MZT2A: variants seen among roughly 807,000 people sequenced by gnomAD.
The protein encoded by MZT2A is mitotic spindle organizing protein 2A.
A neutral mutation model predicts 12.4 loss-of-function variants in MZT2A; 8 were observed. That is an observed-to-expected ratio of 0.64 (90% CI 0.38 to 1.16). The LOEUF (loss-of-function observed/expected upper bound fraction) is 1.16. MZT2A is among the 50% of genes most tolerant of loss of function. The pLI is 0.01. For synonymous variants in MZT2A, 88 were observed against 107.5 expected (o/e 0.82, Z 1.12); for missense variants, 181 against 223.6 (o/e 0.81, Z 1.22).
downstream of MZT2A, chr2:131,479,563 G>C (rs1678781202): frequency 6.4e-7 from 1 of 1,553,918 alleles, no homozygotes; most frequent in African/African-American, 1.4e-5. Context: ...ATCTTGGCCG[G>C]GCGCGGTGGC....
chr2:131,484,290 T>A, intron 2 of MZT2A, 72 bp from the exon 3 acceptor site: 1 of 1,576,698 alleles, frequency 6.3e-7, no homozygotes, highest in South Asian at 1.1e-5. Context: ...GTACTCGTGC[T>A]CCTTGGGCAA....
Position 131,484,255 on chromosome 2 carries a change from G to A in MZT2A, c.320-37C>T, listed in dbSNP as rs776184739. ...CAAAGCACAATGATTAGGAATGGAC[G>A]CGCCCCATAAATGCAGCACCTGCTG... On this transcript the variant is annotated intron_variant, in intron 2 of 2. Transcript: ENST00000309451. The A allele has an allele frequency of 5.7e-5, 92 of 1,601,498 alleles. 2 individuals carry two copies. In the South Asian group the frequency reaches 6.9e-4, roughly 12 times the overall value.
chr2:131,492,873 C>T, upstream of MZT2A: 1 of 1,499,160 alleles, frequency 6.7e-7, no homozygotes, highest in Non-Finnish European at 9.0e-7. Context: ...CCTTGGGGCG[C>T]CAGAGGCCGC....
intron 2 of MZT2A, among the ~76,000 whole-genome samples, chr2:131,485,642 G>A (rs1559356564): frequency 6.6e-6 from 1 of 152,092 alleles, no homozygotes; most frequent in Non-Finnish European, 1.5e-5. Flanking sequence ...TCCCGTGTGG[G>A]AACTCCCCTG....
chr2:131,479,371 A>C (rs1678774801), downstream of MZT2A: 3 of 1,614,198 alleles, frequency 1.9e-6, no homozygotes, highest in Non-Finnish European at 2.5e-6. Context: ...ACCGGGAAGG[A>C]AGATGCAGCC....
At chr2:131,476,316 G>T in intron 2 of MZT2A, 1 of 1,571,448 alleles carries the variant, frequency 6.4e-7, no homozygotes, top group Non-Finnish European at 8.7e-7. Flanking sequence ...AGAGAAGGAC[G>T]CAGGGTCTAG....
chr2:131,490,893 C>A (rs567411527), intron 2 of MZT2A: 1 of 1,549,942 alleles, frequency 6.5e-7, no homozygotes, highest in South Asian at 1.2e-5. Context: ...AAGGAGGCCT[C>A]TGGAGGTCAG....
intron 2 of MZT2A, among the ~76,000 whole-genome samples, chr2:131,474,055 A>G (rs1274883898): frequency 6.9e-6 from 1 of 145,282 alleles, no homozygotes; most frequent in Non-Finnish European, 1.5e-5. Context: ...TGTTCCTGGA[A>G]TTTGTGATAC....
intron 2 of MZT2A, among the ~76,000 whole-genome samples, chr2:131,475,116 G>A (rs13014045): frequency 0.42 from 62,944 of 151,196 alleles, 15,166 homozygotes; most frequent in East Asian, 0.76. Context: ...ATGCGCCACC[G>A]TGCCTTGCTA....
intron 2 of MZT2A, chr2:131,490,934 G>C: frequency 6.5e-7 from 1 of 1,549,214 alleles, no homozygotes; most frequent in Non-Finnish European, 8.7e-7. Flanking sequence ...GACAGAGCGA[G>C]GGTCAGTGAA....
At chr2:131,487,609 C>T (rs1679102476) in intron 2 of MZT2A, among the ~76,000 whole-genome samples, 1 of 152,134 alleles carries the variant, frequency 6.6e-6, no homozygotes, top group Non-Finnish European at 1.5e-5. Flanking sequence ...TTGCATTCAC[C>T]TTTGTTCTTT....
chr2:131,486,626 G>C (rs1679062931), intron 2 of MZT2A: 1 of 151,548 alleles, frequency 6.6e-6, no homozygotes, highest in South Asian at 2.1e-4. Context: ...TTTAAGAGTG[G>C]TGGGGGAGGG....
At position 131,491,071 on chromosome 2, in the gene MZT2A, T is replaced by C. The variant is rs542820310; in HGVS notation, c.319+805A>G. ...CATGATGCCTGTGAGGGTCTCCTCC[T>C]GCTTCCAGGCAGGGAGCCAGCTCTG... On this transcript the variant is annotated intron_variant, in intron 2 of 2. Coordinates refer to ENST00000309451, the MANE Select transcript of MZT2A (RefSeq NM_001085365.2). 522 of 1,004,994 alleles carry C rather than the reference T, an allele frequency of 5.2e-4. 1 individual carries two copies. The African/African-American group carries it at 7.1e-3, about 14-fold the overall frequency. The allele number at this position is 1,004,994 out of a possible 1,614,324, so 62.3% of individuals were successfully genotyped here. A position where few individuals can be genotyped will look rare whatever the true frequency, so the allele number is the denominator to read the frequency against.
At chr2:131,485,123 G>T (rs1679004505) in intron 2 of MZT2A, among the ~76,000 whole-genome samples, 1 of 152,140 alleles carries the variant, frequency 6.6e-6, no homozygotes, top group South Asian at 2.1e-4. Flanking sequence ...CTTGGCCAGG[G>T]CTCTCCCCTG....
chr2:131,492,963 G>T, upstream of MZT2A: 1 of 1,524,058 alleles, frequency 6.6e-7, no homozygotes, highest in Non-Finnish European at 8.8e-7. Flanking sequence ...CTGGCCGGCC[G>T]GCCGGCCTTC....
chr2:131,473,956 A>G (rs573499719), intron 2 of MZT2A, among the ~76,000 whole-genome samples: 4 of 147,854 alleles, frequency 2.7e-5, no homozygotes, highest in South Asian at 4.2e-4. Flanking sequence ...AGACAGGAAT[A>G]TGGACTTCAG....
chr2:131,484,511 C>T (rs1678976577), intron 2 of MZT2A, among the ~76,000 whole-genome samples: 1 of 152,206 alleles, frequency 6.6e-6, no homozygotes. Context: ...GCCACGGGCC[C>T]ATTTAGGGAA....
At chr2:131,471,334 A>G (rs1704980621) in intron 3 of MZT2A, among the ~76,000 whole-genome samples, 1 of 140,324 alleles carries the variant, frequency 7.1e-6, no homozygotes, top group Admixed American at 6.7e-5. Context: ...ATCACAAACT[A>G]CAGGTCCAAG....
intron 2 of MZT2A, chr2:131,478,404 G>A (rs781716309): frequency 2.5e-6 from 4 of 1,595,766 alleles, no homozygotes; most frequent in Non-Finnish European, 3.4e-6. Flanking sequence ...CCTGGGCACT[G>A]GATGGCAGCT....
Sources: allele counts gnomAD v4.1 joint callset (sites outside exome capture counted in the v4.1 genomes callset), GRCh38; gene constraint gnomAD v4.1.1; transcripts MANE v1.5; gene names NCBI Gene and HGNC (gene_info 2026-07-23, HGNC 2026-07-21).